Variants in ULK4 observed in about 807,000 individuals in gnomAD.
The protein encoded by ULK4 is inactive serine/threonine-protein kinase ULK4.
A neutral mutation model predicts 160.6 loss-of-function variants in ULK4; 133 were observed. The observed-to-expected ratio is 0.83, with a 90% CI of 0.72 to 0.96. The LOEUF (loss-of-function observed/expected upper bound fraction) is 0.96. Ranked by LOEUF, ULK4 falls within the 40% of genes least tolerant of loss-of-function variation. ULK4 has a pLI of 0.00. For synonymous variants in ULK4, 534 were observed against 539.8 expected, an observed-to-expected ratio of 0.99 and a Z score of 0.15; for missense variants, 1,580 against 1,499.5, an observed-to-expected ratio of 1.05 and a Z score of -0.89.
intron 6 of ULK4, 105 bp from the exon 7 acceptor site, chr3:41,918,645 A>G: frequency 1.8e-6 from 1 of 565,566 alleles, no homozygotes; most frequent in Non-Finnish European, 2.7e-6. Flanking sequence ...TCTGTCACCC[A>G]GGCTGGAGTG....
chr3:41,629,653 T>C (rs2033668811), intron 30 of ULK4, among the ~76,000 whole-genome samples: 1 of 152,158 alleles, frequency 6.6e-6, no homozygotes, highest in African/African-American at 2.4e-5. Context: ...TTGTAAAATA[T>C]GATCTACTAC....
intron 34 of ULK4, among the ~76,000 whole-genome samples, chr3:41,424,133 G>A (rs1211671246): frequency 3.3e-5 from 5 of 152,070 alleles, no homozygotes; most frequent in Non-Finnish European, 5.9e-5. Flanking sequence ...TTTGGATCCA[G>A]GAGGAATTCT....
At chr3:41,375,866 T>C (rs2081477852) in intron 35 of ULK4, among the ~76,000 whole-genome samples, 1 of 149,088 alleles carries the variant, frequency 6.7e-6, no homozygotes, top group African/African-American at 2.5e-5. Flanking sequence ...TGGGAGAAAA[T>C]TTTTCCAATC....
At chr3:41,710,109 A>G (rs1009121541) in intron 25 of ULK4, among the ~76,000 whole-genome samples, 4 of 152,106 alleles carry the variant, frequency 2.6e-5, no homozygotes, top group Non-Finnish European at 4.4e-5. Flanking sequence ...TTTCACATAT[A>G]TATATATAAA....
chr3:41,848,059 C>A (rs941428747), intron 17 of ULK4, among the ~76,000 whole-genome samples: 5 of 152,176 alleles, frequency 3.3e-5, no homozygotes, highest in African/African-American at 1.2e-4. Flanking sequence ...ATCTCTAATT[C>A]TCTGCATGTT....
At chr3:41,301,431 T>C in intron 35 of ULK4, among the ~76,000 whole-genome samples, 1 of 152,174 alleles carries the variant, frequency 6.6e-6, no homozygotes, top group East Asian at 1.9e-4. Context: ...CACCAGGAAC[T>C]GATATAACAC....
chr3:41,640,264 G>A (rs1339670457), intron 30 of ULK4, among the ~76,000 whole-genome samples: 1 of 152,274 alleles, frequency 6.6e-6, no homozygotes, highest in Admixed American at 6.5e-5. Context: ...CCTTAGAAAG[G>A]TAGCTCTATA....
At chr3:41,640,827 A>G (rs2034154932) in intron 30 of ULK4, among the ~76,000 whole-genome samples, 1 of 152,202 alleles carries the variant, frequency 6.6e-6, no homozygotes, top group Non-Finnish European at 1.5e-5. Context: ...GTTTCTTTTC[A>G]ATGGTAAAAA....
chr3:41,480,687 T>G (rs2084293930), intron 32 of ULK4, among the ~76,000 whole-genome samples: 1 of 152,200 alleles, frequency 6.6e-6, no homozygotes, highest in South Asian at 2.1e-4. Context: ...CTCACACTGC[T>G]AATAAAGACA....
chr3:41,692,203 G>A (rs943179547), intron 27 of ULK4, among the ~76,000 whole-genome samples: 9 of 149,108 alleles, frequency 6.0e-5, no homozygotes, highest in Non-Finnish European at 1.1e-4. Flanking sequence ...TGCCCGCCTC[G>A]GCCTCCCAAA....
chr3:41,447,124 A>G (rs1039476758), intron 34 of ULK4, among the ~76,000 whole-genome samples: 1 of 149,288 alleles, frequency 6.7e-6, no homozygotes, highest in Non-Finnish European at 1.5e-5. Context: ...AGACACCTTT[A>G]AAAACCTTTT....
chr3:41,947,143 C>T (rs954682866), intron 2 of ULK4, among the ~76,000 whole-genome samples: 1 of 152,020 alleles, frequency 6.6e-6, no homozygotes, highest in Non-Finnish European at 1.5e-5. Flanking sequence ...CTGGCTAAAA[C>T]GGTGAAACCC....
At chr3:41,745,967 TAAG>T (rs1159142093) in intron 22 of ULK4, among the ~76,000 whole-genome samples, 1 of 150,626 alleles carries the variant, frequency 6.6e-6, no homozygotes, top group East Asian at 1.9e-4. Flanking sequence ...AAAAAAACTC[TAAG>T]AAAATTGGAG....
At chr3:41,249,380 G>T in intron 36 of ULK4, 109 bp downstream of exon 36, 1 of 1,001,834 alleles carries the variant, frequency 1.0e-6, no homozygotes, top group Non-Finnish European at 1.5e-6. Context: ...GGGCTGGAAG[G>T]TGGTAGTCCC....
chr3:41,292,308 TA>T (rs2079582506), intron 35 of ULK4, among the ~76,000 whole-genome samples: 1 of 152,122 alleles, frequency 6.6e-6, no homozygotes, highest in Non-Finnish European at 1.5e-5. Context: ...TTTTCCCACT[TA>T]ATAAACAGAG....
At chr3:41,705,583 G>A (rs975341043) in intron 25 of ULK4, among the ~76,000 whole-genome samples, 3 of 151,690 alleles carry the variant, frequency 2.0e-5, no homozygotes, top group African/African-American at 7.3e-5. Context: ...CAAAACCTCT[G>A]CCTTCCAGGT....
intron 27 of ULK4, among the ~76,000 whole-genome samples, chr3:41,684,162 G>A (rs1348180374): frequency 6.6e-6 from 1 of 152,230 alleles, no homozygotes. Context: ...GCAGTGAGAA[G>A]AGTCATCAAC....
At chr3:41,248,017 A>G (rs1368208189) in intron 36 of ULK4, among the ~76,000 whole-genome samples, 1 of 152,230 alleles carries the variant, frequency 6.6e-6, no homozygotes, top group Non-Finnish European at 1.5e-5. Flanking sequence ...TGGGTGCAGG[A>G]CAGACCACCA....
At chr3:41,573,949 T>C (rs979555837) in intron 31 of ULK4, among the ~76,000 whole-genome samples, 1 of 152,170 alleles carries the variant, frequency 6.6e-6, no homozygotes, top group Non-Finnish European at 1.5e-5. Context: ...ATATTACTGA[T>C]GATTTTTCAC....
Sources: allele counts gnomAD v4.1 joint callset (sites outside exome capture counted in the v4.1 genomes callset), GRCh38; gene constraint gnomAD v4.1.1; transcripts MANE v1.5; gene names NCBI Gene and HGNC (gene_info 2026-07-23, HGNC 2026-07-21).